Variants in PDE11A observed in about 807,000 individuals in gnomAD.
PDE11A encodes dual 3',5'-cyclic-AMP and -GMP phosphodiesterase 11A.
A neutral mutation model predicts 100.5 loss-of-function variants in PDE11A; 100 were observed. That is an observed-to-expected ratio of 1.00 (90% CI 0.85 to 1.18). PDE11A has a LOEUF of 1.18. PDE11A is among the 50% of genes most tolerant of loss of function. The pLI, the probability that PDE11A is intolerant of heterozygous loss-of-function variation, is 0.00. For synonymous variants in PDE11A, 381 were observed against 420.8 expected (o/e 0.91, Z 1.16); for missense variants, 1,141 against 1,152.6 (o/e 0.99, Z 0.15).
chr2:178,037,583 G>T (rs2086630576), intron 1 of PDE11A, among the ~76,000 whole-genome samples: 1 of 152,088 alleles, frequency 6.6e-6, no homozygotes, highest in Admixed American at 6.6e-5. Flanking sequence ...TGTGTTTATT[G>T]CAGCACTATT....
At chr2:177,945,010 C>T (rs966192750) in intron 2 of PDE11A, among the ~76,000 whole-genome samples, 2 of 149,418 alleles carry the variant, frequency 1.3e-5, no homozygotes, top group Non-Finnish European at 3.0e-5. Context: ...TTGGTGGAGA[C>T]GGGGTTTCGC....
At chr2:177,684,846 C>A (rs770204314) in intron 15 of PDE11A, among the ~76,000 whole-genome samples, 3 of 152,204 alleles carry the variant, frequency 2.0e-5, no homozygotes, top group South Asian at 4.1e-4. Context: ...AGCTGGGATA[C>A]AAACACAGTA....
chr2:177,643,123 A>G (rs1362308949), intron 19 of PDE11A, among the ~76,000 whole-genome samples: 1 of 152,222 alleles, frequency 6.6e-6, no homozygotes, highest in Admixed American at 6.5e-5. Flanking sequence ...CCAATACAGT[A>G]AATTGGTACC....
rs147657299 is a variant in PDE11A, at chr2:177,731,991, G to C, written c.1789-3819C>G. Among the ~76,000 whole-genome samples, 421 of 152,310 alleles carry C rather than the reference G, an allele frequency of 2.8e-3. 1 individual carries two copies. The highest frequency in any genetic ancestry group is 9.7e-3 in the African/African-American group (405 of 41,572). Reference sequence around the variant, plus strand: ...GCATGGGGAGAGAACAAAAGAAAATGAGTGTAGTTAATCTATCATCTTTAT... The same window carrying C: ...GCATGGGGAGAGAACAAAAGAAAATCAGTGTAGTTAATCTATCATCTTTAT... On this transcript the variant is annotated intron_variant, in intron 10 of 19. Transcript: ENST00000286063.
intron 16 of PDE11A, among the ~76,000 whole-genome samples, chr2:177,677,330 T>C (rs2080791413): frequency 6.6e-6 from 1 of 152,190 alleles, no homozygotes; most frequent in South Asian, 2.1e-4. Flanking sequence ...TCAGAAACGT[T>C]AGGTAACTTG....
At chr2:178,001,304 GT>G (rs1559038231) in intron 2 of PDE11A, among the ~76,000 whole-genome samples, 1 of 151,598 alleles carries the variant, frequency 6.6e-6, no homozygotes, top group Non-Finnish European at 1.5e-5. Context: ...GTGTGTGTGT[GT>G]GTGTGTAGTA....
In PDE11A at chr2:177,722,352, T is replaced by C. The variant is rs922928993; in HGVS notation, c.2043+5306A>G. Among the ~76,000 whole-genome samples, 3 of 152,182 alleles carry C rather than the reference T, an allele frequency of 2.0e-5. No individual in the cohort carries two copies. In the East Asian group the frequency reaches 5.8e-4, roughly 29 times the overall value. ...TTTTCACTAGAAAGGGAATGACCCA[T>C]AACTCATGAATGGCAGCGCTTAAAG... On this transcript the variant is annotated intron_variant, in intron 12 of 19. Coordinates refer to ENST00000286063, the MANE Select transcript of PDE11A (RefSeq NM_016953.4).
At chr2:177,791,878 C>A (rs78674977) in intron 9 of PDE11A, among the ~76,000 whole-genome samples, 3,254 of 152,174 alleles carry the variant, frequency 0.021, 105 homozygotes, top group African/African-American at 0.074. Context: ...TTATTAATTT[C>A]AATCATTTCA....
At chr2:177,997,317 G>A (rs2086087994) in intron 2 of PDE11A, 1 of 930,854 alleles carries the variant, frequency 1.1e-6, no homozygotes. Context: ...TCACTGGGAG[G>A]ATTATAAATC....
chr2:178,006,752 A>C (rs2086216564), intron 2 of PDE11A, among the ~76,000 whole-genome samples: 1 of 151,722 alleles, frequency 6.6e-6, no homozygotes, highest in Admixed American at 6.6e-5. Context: ...TTAAAAATAA[A>C]CGGCATTATA....
intron 2 of PDE11A, among the ~76,000 whole-genome samples, chr2:177,943,635 T>C (rs1315885746): frequency 3.9e-5 from 6 of 152,254 alleles, no homozygotes; most frequent in African/African-American, 1.4e-4. Flanking sequence ...ATTAACTCCT[T>C]ATCAGATATA....
intron 13 of PDE11A, chr2:177,702,504 A>C (rs2081213752): frequency 6.6e-6 from 1 of 152,126 alleles, no homozygotes; most frequent in South Asian, 2.1e-4. Context: ...TCGATATTGA[A>C]AGGGCAATTT....
chr2:177,774,975 T>A (rs990141185), intron 9 of PDE11A, among the ~76,000 whole-genome samples: 5 of 152,132 alleles, frequency 3.3e-5, no homozygotes, highest in Non-Finnish European at 5.9e-5. Flanking sequence ...GGGGTCCTTA[T>A]AAGTGAAAGA....
rs971061203 is a variant in PDE11A, at chr2:177,626,292, G to C, written c.*3115C>G. 6 of 152,650 alleles carry C rather than the reference G, an allele frequency of 3.9e-5. No homozygotes were observed. Among genetic ancestry groups the C allele is most frequent in the African/African-American group, 1.4e-4 (6 of 41,552 alleles). 9.5% of individuals were successfully genotyped at this position (152,650 alleles called of 1,614,324 possible). A position where few individuals can be genotyped will look rare whatever the true frequency, so the allele number is the denominator to read the frequency against. On this transcript the variant is annotated 3_prime_UTR_variant, in exon 20 of 20. Transcript: ENST00000286063. Reference sequence around the variant, plus strand: ...ACCCTGGGTCCAGTTTTGTCATAAAGCACATGCTTTAAAATGTTGCTGTAG... The same window carrying C: ...ACCCTGGGTCCAGTTTTGTCATAAACCACATGCTTTAAAATGTTGCTGTAG...
intron 16 of PDE11A, chr2:177,677,961 A>G (rs996686728): frequency 2.2e-4 from 34 of 152,220 alleles, no homozygotes; most frequent in African/African-American, 5.8e-4. Flanking sequence ...TAGTTGTAAA[A>G]CAATTTAAAA....
At chr2:177,998,703 T>G (rs1256006316) in intron 2 of PDE11A, 1 of 1,091,142 alleles carries the variant, frequency 9.2e-7, no homozygotes, top group Non-Finnish European at 1.4e-6. Flanking sequence ...ATCTTTATGC[T>G]GGCCCACTCG....
intron 15 of PDE11A, among the ~76,000 whole-genome samples, chr2:177,696,989 A>G (rs2081121136): frequency 6.6e-6 from 1 of 152,236 alleles, no homozygotes; most frequent in Non-Finnish European, 1.5e-5. Context: ...TTCGTTATCA[A>G]TGCCATTATA....
At chr2:177,906,327 G>A (rs772612510) in intron 2 of PDE11A, among the ~76,000 whole-genome samples, 3 of 152,116 alleles carry the variant, frequency 2.0e-5, no homozygotes, top group African/African-American at 4.8e-5. Context: ...CACCAACTCA[G>A]GAAGCACTTG....
intron 17 of PDE11A, among the ~76,000 whole-genome samples, chr2:177,674,949 T>C (rs368333607): frequency 7.2e-5 from 11 of 152,180 alleles, no homozygotes; most frequent in African/African-American, 2.4e-4. Flanking sequence ...TAATGCTTTA[T>C]GGCAGAGAAA....
Sources: gnomAD v4.1 joint callset for allele counts (sites outside exome capture counted in the v4.1 genomes callset) on GRCh38, gnomAD v4.1.1 for gene constraint, MANE v1.5 for transcripts, NCBI Gene and HGNC (gene_info 2026-07-23, HGNC 2026-07-21) for gene names.